Variants in SZT2 observed in about 807,000 individuals in gnomAD.
SZT2 encodes KICSTOR complex protein SZT2.
A neutral mutation model predicts 404.2 loss-of-function variants in SZT2; 216 were observed. The observed-to-expected ratio is 0.53, with a 90% CI of 0.48 to 0.60. The LOEUF is 0.60. Ranked by LOEUF, SZT2 falls within the 20% of genes least tolerant of loss-of-function variation. SZT2 has a pLI of 0.00. For synonymous variants in SZT2, 1,693 were observed against 1,749.9 expected (o/e 0.97, Z 0.81); for missense variants, 3,857 against 4,459.2 (o/e 0.86, Z 3.85).
chr1:43,409,421 G>GAATA (rs1650736263), intron 4 of SZT2: 1 of 356,096 alleles, frequency 2.8e-6, no homozygotes, highest in Admixed American at 3.9e-5. Context: ...GGTCTACCTA[G>GAATA]AATAGTCAGA....
chr1:43,432,146 C>T (rs1570675663), intron 36 of SZT2, 126 bp from the exon 37 acceptor site: 2 of 1,164,068 alleles, frequency 1.7e-6, no homozygotes, highest in East Asian at 4.7e-5. Context: ...CTTTTCTTAC[C>T]TCAGCAGTGG....
rs574592438 is a variant in SZT2 at position 43,399,015 on chromosome 1, A to G, written c.28-4162A>G. Among the ~76,000 whole-genome samples, 506 of 152,046 alleles carry G rather than the reference A, an allele frequency of 3.3e-3. 3 individuals are homozygous for G. The highest frequency in any genetic ancestry group is 0.011 in the African/African-American group (465 of 41,478). On this transcript the variant is annotated intron_variant, in intron 1 of 71. Transcript: ENST00000634258. ...GAATCGCTTGAACTGAGAAGGCGGA[A>G]GTTGCAGTGAGCCGAGATTGCGCCA...
At chr1:43,435,025 T>C (rs1431380612) in intron 41 of SZT2, among the ~76,000 whole-genome samples, 175 bp from the exon 42 acceptor site, 4 of 152,218 alleles carry the variant, frequency 2.6e-5, no homozygotes, top group Admixed American at 1.3e-4. Context: ...TGTTCCTGAC[T>C]GAGAATCACT....
rs780280468 is a variant in SZT2 at position 43,450,810 on chromosome 1, A to G, written c.*330A>G. ...ACACAGGGTGGCAAACACCCCCTAG[A>G]GCTCCTCTGCCTGAATCCTGCCCCC... is the stretch of plus-strand genomic sequence containing the variant. On this transcript the variant is annotated 3_prime_UTR_variant, in exon 72 of 72. Coordinates refer to ENST00000634258, the MANE Select transcript of SZT2 (RefSeq NM_001365999.1). This position sits in a 1 kb window ranked among gnomAD's most constrained non-coding sequence, Gnocchi z 4.3. The G allele has an allele frequency of 5.7e-6, 4 of 706,030 alleles. No individual in the cohort carries two copies. The Admixed American group carries it at 7.0e-5, about 12-fold the overall frequency. The allele number at this position is 706,030 out of a possible 1,614,324, so 43.7% of individuals were successfully genotyped here.
Position 43,424,329 on chromosome 1 carries a change from T to TC in SZT2, c.2371dup (p.Arg791ProfsTer34). ...AGCCTCTTCTAGCCTGGCGTCACTG[T>TC]CCCGCTACCTCTACCATCAGCGCTG... On this transcript the variant is annotated frameshift_variant, in exon 16 of 72. Coordinates refer to ENST00000634258, the MANE Select transcript of SZT2 (RefSeq NM_001365999.1). LOFTEE classifies it high-confidence loss of function. This position sits in a 1 kb window ranked among gnomAD's most constrained non-coding sequence, Gnocchi z 4.1. 1 of 1,598,072 alleles carries TC rather than the reference T, an allele frequency of 6.3e-7. No homozygotes were observed. Among genetic ancestry groups the TC allele is most frequent in the Non-Finnish European group, 8.5e-7 (1 of 1,179,598 alleles).
At chr1:43,429,596 C>CT (rs1189902123) in intron 28 of SZT2, 107 bp from the exon 29 acceptor site, 2 of 1,418,332 alleles carry the variant, frequency 1.4e-6, no homozygotes, top group Non-Finnish European at 2.0e-6. Flanking sequence ...GCTAAGTACT[C>CT]TTCCTGTGGA....
Position 43,429,786 on chromosome 1 carries a change from T to G in SZT2, c.4250T>G (p.Leu1417Arg), listed in dbSNP as rs1274802579. 6.2e-7 allele frequency: 1 copy of G among 1,614,218 alleles called. No homozygotes were observed. Among genetic ancestry groups the G allele is most frequent in the East Asian group, 2.2e-5 (1 of 44,872 alleles). The change falls in exon 29 of 72, where the codon CTG becomes CGG. Residue 1417 changes from leucine (L) to arginine (R), a missense_variant. By Grantham distance (102) the Leu-to-Arg change is moderately radical. Coordinates refer to ENST00000634258, the MANE Select transcript of SZT2 (RefSeq NM_001365999.1). ...CCAGACCCTGGGCCAGAGATCTCTC[T>G]GACAGATGTCTGCCAGCTCAGAGGA... ...GIPDPGPEIS[L>R]TDVCQLRGEA...
At chr1:43,390,841 A>G (rs778804959) in intron 1 of SZT2, among the ~76,000 whole-genome samples, 3 of 152,250 alleles carry the variant, frequency 2.0e-5, no homozygotes, top group Non-Finnish European at 4.4e-5. Flanking sequence ...CCAACATATC[A>G]GTAGGTGGGA....
chr1:43,411,303 G>A (rs1321394348), intron 4 of SZT2, among the ~76,000 whole-genome samples: 1 of 152,218 alleles, frequency 6.6e-6, no homozygotes, highest in East Asian at 1.9e-4. Context: ...GGCACCTGTG[G>A]CATTGCCAGC....
rs150591561 is a variant in SZT2, at chr1:43,442,922, G to C, written c.8255G>C (p.Arg2752Pro). 4.3e-6 allele frequency: 7 copies of C among 1,614,106 alleles called. No individual in the cohort carries two copies. The highest frequency in any genetic ancestry group is 5.9e-6 in the Non-Finnish European group (7 of 1,179,990). The change falls in exon 59 of 72, where the codon CGT (arginine) becomes CCT (proline). Residue 2752 changes from arginine to proline, a missense_variant. Coordinates refer to ENST00000634258, the MANE Select transcript of SZT2 (RefSeq NM_001365999.1). This position sits in a 1 kb window ranked among gnomAD's most constrained non-coding sequence, Gnocchi z 4.5. ...CAGGGCCGACTGAGTGGGTCCTCTC[G>C]TGGTGGGGGTCCTCTTCCCCTGGAC... ...REQGRLSGSS[R>P]GGGPLPLDTF...
At position 43,437,556 on chromosome 1, in the gene SZT2, G is replaced by T; in HGVS notation, c.6291-39G>T. 1 of 1,613,998 alleles carries T rather than the reference G, an allele frequency of 6.2e-7. No homozygotes were observed. Among genetic ancestry groups the T allele is most frequent in the South Asian group, 1.1e-5 (1 of 91,082 alleles). On this transcript the variant is annotated intron_variant, in intron 44 of 71. Coordinates refer to ENST00000634258, the MANE Select transcript of SZT2 (RefSeq NM_001365999.1). The surrounding 1 kb of genome is among the most constrained non-coding windows in gnomAD (Gnocchi z 5.3). ...GTAGGGCATGAATTAAGGATGGCCT[G>T]GGAGGAGGCATGTCCAAAGACATGC...
At position 43,432,973 on chromosome 1, in the gene SZT2, A is replaced by G. The variant is rs1261425859; in HGVS notation, c.5603-16A>G. On this transcript the variant is annotated splice_polypyrimidine_tract_variant and intron_variant, in intron 39 of 71. Coordinates refer to ENST00000634258, the MANE Select transcript of SZT2 (RefSeq NM_001365999.1). ...CCAGCTTCGGATGGGATTGACCTTC[A>G]ATGCATCTGACACAGGTTATGATGG... 8.1e-6 allele frequency: 13 copies of G among 1,613,736 alleles called. 1 individual carries two copies. The South Asian group carries it at 1.3e-4, about 16-fold the overall frequency.
Position 43,451,807 on chromosome 1 carries a change from T to C in SZT2, c.*1327T>C. 1 of 1,613,994 alleles carries C rather than the reference T, an allele frequency of 6.2e-7. No homozygotes were observed. Reference sequence around the variant, plus strand: ...ACCCCCTTCCACTTACCATTTGTAATTGGAGGTTGGGTCTTCCTACCTTCT... The same window carrying C: ...ACCCCCTTCCACTTACCATTTGTAACTGGAGGTTGGGTCTTCCTACCTTCT... On this transcript the variant is annotated 3_prime_UTR_variant, in exon 72 of 72. Coordinates refer to ENST00000634258, the MANE Select transcript of SZT2 (RefSeq NM_001365999.1).
Position 43,441,610 on chromosome 1 carries a change from C to G in SZT2, c.7609+9C>G. On this transcript the variant is annotated intron_variant, in intron 54 of 71. Transcript: ENST00000634258. The surrounding 1 kb of genome is among the most constrained non-coding windows in gnomAD (Gnocchi z 4.8). Reference sequence around the variant, plus strand: ...GTTTATGGTTCAGATTGGTGAGACCCCAGCCTCCCCTCCCATCCCTCAACC... The same window carrying G: ...GTTTATGGTTCAGATTGGTGAGACCGCAGCCTCCCCTCCCATCCCTCAACC... The G allele has an allele frequency of 6.2e-7, 1 of 1,614,004 alleles. No individual in the cohort carries two copies. The highest frequency in any genetic ancestry group is 1.3e-5 in the African/African-American group (1 of 75,018).
In SZT2 at chr1:43,437,399, C is replaced by T. The variant is rs778820180; in HGVS notation, c.6188-7C>T. ...GGCAGTTTCCTGAGCCCATGTTATT[C>T]CCCCAGCCATCCAGGCCCTGCGCTC... is the stretch of plus-strand genomic sequence containing the variant. On this transcript the variant is annotated splice_region_variant and splice_polypyrimidine_tract_variant and intron_variant, in intron 43 of 71. Coordinates refer to ENST00000634258, the MANE Select transcript of SZT2 (RefSeq NM_001365999.1). The surrounding 1 kb of genome is among the most constrained non-coding windows in gnomAD (Gnocchi z 5.3). The T allele has an allele frequency of 2.1e-5, 34 of 1,613,936 alleles. No homozygotes were observed. The highest frequency in any genetic ancestry group is 1.5e-4 in the African/African-American group (11 of 74,892).
intron 12 of SZT2, 120 bp downstream of exon 12, chr1:43,422,345 A>G: frequency 6.7e-7 from 1 of 1,483,374 alleles, no homozygotes; most frequent in Non-Finnish European, 9.0e-7. Context: ...GAAAAACTAT[A>G]GCCTTTTCCT....
At chr1:43,399,139 A>G (rs550331221) in intron 1 of SZT2, among the ~76,000 whole-genome samples, 79 of 152,112 alleles carry the variant, frequency 5.2e-4, no homozygotes, top group African/African-American at 1.9e-3. Flanking sequence ...TACTTTAATC[A>G]TCCTTGATAC....
chr1:43,446,268 G>A lies in SZT2; in HGVS notation c.8997+9G>A, dbSNP rs1655658634. 2.5e-6 allele frequency: 4 copies of A among 1,614,120 alleles called. No individual in the cohort carries two copies. Among genetic ancestry groups the A allele is most frequent in the East Asian group, 2.2e-5 (1 of 44,898 alleles). ...TGGAACTGGCATTCCAGGTAAGCAG[G>A]AGGAGCACTGAGTGGAGACAGCCAG... is the stretch of plus-strand genomic sequence containing the variant. On this transcript the variant is annotated intron_variant, in intron 64 of 71. Transcript: ENST00000634258.
Position 43,422,754 on chromosome 1 carries a change from C to T in SZT2, c.1923-15C>T, listed in dbSNP as rs1423286233. 1.9e-6 allele frequency: 3 copies of T among 1,559,892 alleles called. No homozygotes were observed. Among genetic ancestry groups the T allele is most frequent in the Non-Finnish European group, 2.6e-6 (3 of 1,159,924 alleles). Reference sequence around the variant, plus strand: ...GCCAACCTTGGGCTGCTCACTGACTCCCATTTCTCCCCAGTGCCCCAGACC... The same window carrying T: ...GCCAACCTTGGGCTGCTCACTGACTTCCATTTCTCCCCAGTGCCCCAGACC... On this transcript the variant is annotated splice_polypyrimidine_tract_variant and intron_variant, in intron 13 of 71. Coordinates refer to ENST00000634258, the MANE Select transcript of SZT2 (RefSeq NM_001365999.1).
Sources: gnomAD v4.1 joint callset for allele counts (sites outside exome capture counted in the v4.1 genomes callset) on GRCh38, gnomAD v4.1.1 for gene constraint, Gnocchi (gnomAD v3.1) non-coding constraint, MANE v1.5 for transcripts, NCBI Gene and HGNC (gene_info 2026-07-23, HGNC 2026-07-21) for gene names.